EXOC4: variants seen among roughly 807,000 people sequenced by gnomAD.
EXOC4 encodes the protein exocyst complex component 4, also known as SEC8-like 1.
In EXOC4, 71 loss-of-function variants were observed where a neutral mutation model predicts 107.2. The ratio of observed to expected loss-of-function variants is 0.66; its 90% CI spans 0.55 to 0.81. The LOEUF (loss-of-function observed/expected upper bound fraction) is 0.81. Ranked by LOEUF, EXOC4 falls within the 30% of genes least tolerant of loss-of-function variation. EXOC4 has a pLI of 0.00. For synonymous variants in EXOC4, 456 were observed against 441.2 expected, an observed-to-expected ratio of 1.03 and a Z score of -0.42; for missense variants, 1,108 against 1,189.6, an observed-to-expected ratio of 0.93 and a Z score of 1.01.
chr7:134,022,308 T>C (rs1348408027), intron 17 of EXOC4, among the ~76,000 whole-genome samples: 2 of 152,230 alleles, frequency 1.3e-5, no homozygotes, highest in East Asian at 3.8e-4. Context: ...GAAATGATAA[T>C]GACACATAAC....
chr7:133,512,925 G>A (rs1352296382), intron 9 of EXOC4, among the ~76,000 whole-genome samples: 1 of 152,126 alleles, frequency 6.6e-6, no homozygotes, highest in Non-Finnish European at 1.5e-5. Flanking sequence ...GGCCAGTGTG[G>A]CAGAACCCCG....
intron 17 of EXOC4, among the ~76,000 whole-genome samples, chr7:134,060,513 G>A (rs535071156): frequency 4.6e-5 from 7 of 152,254 alleles, no homozygotes; most frequent in South Asian, 2.1e-4. Context: ...TGGAAGCCAC[G>A]GCTGCTATTT....
chr7:133,257,183 C>G (rs1795037471), intron 1 of EXOC4, among the ~76,000 whole-genome samples: 1 of 152,028 alleles, frequency 6.6e-6, no homozygotes, highest in Non-Finnish European at 1.5e-5. Context: ...AGGCTACTGC[C>G]AACTGCAGCT....
At chr7:133,267,126 A>G (rs1167074053) in intron 1 of EXOC4, among the ~76,000 whole-genome samples, 4 of 152,196 alleles carry the variant, frequency 2.6e-5, no homozygotes, top group Admixed American at 2.6e-4. Flanking sequence ...GCCATCTCAC[A>G]TCTTTTTTGG....
chr7:133,384,220 A>G (rs1439508078), intron 7 of EXOC4, among the ~76,000 whole-genome samples: 2 of 152,154 alleles, frequency 1.3e-5, no homozygotes, highest in African/African-American at 4.8e-5. Context: ...TTTAGAAAAT[A>G]GTAGCTTGGC....
chr7:133,349,132 T>A (rs1795851539), intron 5 of EXOC4, among the ~76,000 whole-genome samples: 1 of 106 alleles, frequency 9.4e-3, no homozygotes, highest in East Asian at 0.25. Context: ...ATTTAAATGT[T>A]TTTTTTTTTT....
chr7:133,424,460 A>G (rs1024519656), intron 7 of EXOC4, among the ~76,000 whole-genome samples: 1 of 152,008 alleles, frequency 6.6e-6, no homozygotes, highest in African/African-American at 2.4e-5. Flanking sequence ...ACATCTGAAC[A>G]TCTGAAGCAA....
chr7:133,475,704 G>A (rs546681800), intron 8 of EXOC4, among the ~76,000 whole-genome samples: 35 of 152,176 alleles, frequency 2.3e-4, no homozygotes, highest in Admixed American at 2.0e-3. Context: ...TCTTGAACTT[G>A]TTTCAGGGGA....
intron 10 of EXOC4, among the ~76,000 whole-genome samples, chr7:133,672,087 G>A (rs1793958832): frequency 1.3e-5 from 2 of 152,096 alleles, no homozygotes; most frequent in African/African-American, 4.8e-5. Context: ...TGGATATTGA[G>A]CACTTAAAAT....
At position 133,817,380 on chromosome 7, in the gene EXOC4, C is replaced by T; in HGVS notation, c.1570C>T (p.Leu524Phe). The change falls in exon 11 of 18, where the codon CTT becomes TTT. Residue 524 changes from leucine (L) to phenylalanine (F), a missense_variant. Coordinates refer to ENST00000253861, the MANE Select transcript of EXOC4 (RefSeq NM_021807.4). The stretch of plus-strand genomic sequence containing the variant: ...TCTTGGCCCAGCCAAACAGTGTCCT[C>T]TTCGAGAGTTTCTCACCGTGTACAT... Reference protein sequence around the residue: ...LGLGPAKQCPLREFLTVYIKN... With the variant: ...LGLGPAKQCPFREFLTVYIKN... 1 of 1,614,162 alleles carries T rather than the reference C, an allele frequency of 6.2e-7. No individual in the cohort carries two copies. Among genetic ancestry groups the T allele is most frequent in the Non-Finnish European group, 8.5e-7 (1 of 1,180,012 alleles).
At chr7:133,673,312 G>A (rs772546320) in intron 10 of EXOC4, among the ~76,000 whole-genome samples, 3 of 152,192 alleles carry the variant, frequency 2.0e-5, no homozygotes, top group Non-Finnish European at 2.9e-5. Context: ...GGAAGTTATT[G>A]TGTATGGTTA....
chr7:133,311,558 A>G (rs1446877341), intron 4 of EXOC4, among the ~76,000 whole-genome samples: 1 of 152,186 alleles, frequency 6.6e-6, no homozygotes, highest in Non-Finnish European at 1.5e-5. Context: ...TAAAAATCAC[A>G]TAGCACTGTA....
intron 17 of EXOC4, among the ~76,000 whole-genome samples, chr7:134,036,945 C>T (rs1450486993): frequency 3.3e-5 from 5 of 152,076 alleles, no homozygotes; most frequent in Non-Finnish European, 5.9e-5. Context: ...AATGAAACTG[C>T]AAGTAAAATG....
chr7:133,861,630 G>A lies in EXOC4; in HGVS notation c.1735-33969G>A, dbSNP rs188127527. On this transcript the variant is annotated intron_variant, in intron 11 of 17. Transcript: ENST00000253861. ...GCTCACTGCAACCTCTGCCTTCTGG[G>A]TTAAGTGATTCTCCTGCCTCAGCCT... Among the ~76,000 whole-genome samples the A allele has an allele frequency of 9.2e-5, 14 of 152,154 alleles. No individual in the cohort carries two copies. In the East Asian group the frequency reaches 2.7e-3, roughly 29 times the overall value.
chr7:133,544,031 TA>T (rs1309175525), intron 9 of EXOC4, among the ~76,000 whole-genome samples: 4 of 152,276 alleles, frequency 2.6e-5, no homozygotes, highest in African/African-American at 9.6e-5. Flanking sequence ...TGGCCAAGGC[TA>T]GGGGCTAAAT....
rs183575669 is a variant in EXOC4 at position 133,773,561 on chromosome 7, G to A, written c.1515-43764G>A. ...TTTTAGAGTGCCTGGCTCTATCAGA[G>A]CAGATCATACCATACCCAAAATATG... is the stretch of plus-strand genomic sequence containing the variant. On this transcript the variant is annotated intron_variant, in intron 10 of 17. Coordinates refer to ENST00000253861, the MANE Select transcript of EXOC4 (RefSeq NM_021807.4). Among the ~76,000 whole-genome samples the A allele has an allele frequency of 8.4e-4, 127 of 151,886 alleles. 1 individual carries two copies. Among genetic ancestry groups the A allele is most frequent in the African/African-American group, 3.0e-3 (123 of 41,444 alleles).
At chr7:133,673,858 T>C (rs1362666233) in intron 10 of EXOC4, among the ~76,000 whole-genome samples, 1 of 152,366 alleles carries the variant, frequency 6.6e-6, no homozygotes, top group East Asian at 1.9e-4. Context: ...TACCAGCTCA[T>C]AATACTAAAC....
intron 10 of EXOC4, among the ~76,000 whole-genome samples, chr7:133,765,691 T>C (rs1429268433): frequency 6.6e-6 from 1 of 152,040 alleles, no homozygotes; most frequent in Non-Finnish European, 1.5e-5. Context: ...ATTAATCGCC[T>C]TCCTTTGTAT....
chr7:134,093,125 A>G, the EXOC4 span, among the ~76,000 whole-genome samples: 2 of 152,118 alleles, frequency 1.3e-5, no homozygotes, highest in African/African-American at 2.4e-5. Flanking sequence ...TGCCATTTAC[A>G]TTGGATTAAA....
Sources: gnomAD v4.1 joint callset for allele counts (sites outside exome capture counted in the v4.1 genomes callset) on GRCh38, gnomAD v4.1.1 for gene constraint, MANE v1.5 for transcripts, NCBI Gene and HGNC (gene_info 2026-07-23, HGNC 2026-07-21) for gene names.